PIEZO2: variants seen among roughly 807,000 people sequenced by gnomAD.
The protein encoded by PIEZO2 is piezo type mechanosensitive ion channel component 2.
In PIEZO2, 172 loss-of-function variants were observed where a neutral mutation model predicts 337.3. That is an observed-to-expected ratio of 0.51 (90% CI 0.45 to 0.58). PIEZO2 has a LOEUF of 0.58. PIEZO2 is among the 20% of genes least tolerant of loss of function. The pLI is 0.00. For missense variants in PIEZO2, 3,028 were observed against 3,391.3 expected (o/e 0.89, Z 2.66); for synonymous variants, 1,251 against 1,228.5 (o/e 1.02, Z -0.38).
intron 36 of PIEZO2, chr18:10,725,115 C>G: frequency 5.4e-6 from 8 of 1,473,690 alleles, no homozygotes; most frequent in East Asian, 2.3e-5. Context: ...ATCCACAGTT[C>G]GAGTACCAGG....
intron 36 of PIEZO2, among the ~76,000 whole-genome samples, chr18:10,720,417 A>ATG (rs1428181185): frequency 0.045 from 182 of 4,070 alleles, 3 homozygotes; most frequent in Non-Finnish European, 0.062. Flanking sequence ...GTGTATGTGT[A>ATG]TGTATATATA....
intron 42 of PIEZO2, 72 bp from the exon 43 acceptor site, chr18:10,702,243 G>T: frequency 1.4e-6 from 2 of 1,379,428 alleles, no homozygotes; most frequent in Non-Finnish European, 1.9e-6. Flanking sequence ...ATGGGAAAGA[G>T]CAATATAACA....
intron 1 of PIEZO2, among the ~76,000 whole-genome samples, chr18:11,107,177 C>T (rs866785907): frequency 8.6e-5 from 13 of 151,912 alleles, no homozygotes; most frequent in African/African-American, 9.7e-5. Flanking sequence ...TGGTGCACAT[C>T]GATATTATCC....
chr18:10,855,652 G>C lies in PIEZO2; in HGVS notation c.704-86C>G. 1 of 1,086,024 alleles carries C rather than the reference G, an allele frequency of 9.2e-7. No homozygotes were observed. Among genetic ancestry groups the C allele is most frequent in the Non-Finnish European group, 1.3e-6 (1 of 774,962 alleles). 67.3% of individuals were successfully genotyped at this position (1,086,024 alleles called of 1,614,324 possible). ...TGAATGTGACTATTTGAAATTATGT[G>C]AATTTCCTTCAAGTGTTTTTAGGTT... is the stretch of plus-strand genomic sequence containing the variant. On this transcript the variant is annotated intron_variant, in intron 6 of 55. Coordinates refer to ENST00000674853, the MANE Select transcript of PIEZO2 (RefSeq NM_001378183.1). This position sits in a 1 kb window ranked among gnomAD's most constrained non-coding sequence, Gnocchi z 4.9.
intron 4 of PIEZO2, among the ~76,000 whole-genome samples, chr18:10,909,898 C>A (rs1444903995): frequency 6.6e-6 from 1 of 152,224 alleles, no homozygotes; most frequent in Non-Finnish European, 1.5e-5. Context: ...CTTACTGAGA[C>A]AGCAAACAGC....
At chr18:10,919,626 G>C (rs9964593) in intron 3 of PIEZO2, among the ~76,000 whole-genome samples, 44,727 of 151,970 alleles carry the variant, frequency 0.29, 6,797 homozygotes, top group Middle Eastern at 0.33. Context: ...ATCTATGCAT[G>C]GAGGGTACTG....
intron 39 of PIEZO2, among the ~76,000 whole-genome samples, chr18:10,711,086 G>T (rs1302264607): frequency 6.6e-6 from 1 of 152,202 alleles, no homozygotes; most frequent in Non-Finnish European, 1.5e-5. Context: ...AGCAATCGAT[G>T]AATTTAAATA....
Position 10,752,185 on chromosome 18 carries a change from T to C in PIEZO2, c.4167+451A>G, listed in dbSNP as rs1004911418. 2.0e-5 allele frequency among the ~76,000 whole-genome samples: 3 copies of C among 152,350 alleles called. No individual in the cohort carries two copies. The East Asian group carries it at 5.8e-4, about 29-fold the overall frequency. ...TCATTCCCTACTCCACCCAGTATCA[T>C]AGAGAAACATGCTCATTTTATCTCA... is the stretch of plus-strand genomic sequence containing the variant. On this transcript the variant is annotated intron_variant, in intron 28 of 55. Coordinates refer to ENST00000674853, the MANE Select transcript of PIEZO2 (RefSeq NM_001378183.1).
chr18:10,766,422 C>T lies in PIEZO2; in HGVS notation c.2947-3324G>A, dbSNP rs184583546. On this transcript the variant is annotated intron_variant, in intron 21 of 55. Coordinates refer to ENST00000674853, the MANE Select transcript of PIEZO2 (RefSeq NM_001378183.1). This position sits in a 1 kb window ranked among gnomAD's most constrained non-coding sequence, Gnocchi z 6.1. Reference sequence around the variant, plus strand: ...AATTTTAGGGAAATAGATGCTGGTCCACGTACATAACAACTGTCCAGGTGA... The same window carrying T: ...AATTTTAGGGAAATAGATGCTGGTCTACGTACATAACAACTGTCCAGGTGA... Among the ~76,000 whole-genome samples the T allele has an allele frequency of 2.0e-3, 304 of 152,268 alleles. 2 individuals are homozygous for T. The highest frequency in any genetic ancestry group is 6.9e-3 in the African/African-American group (285 of 41,554).
At chr18:10,811,967 G>A (rs1010258138) in intron 7 of PIEZO2, among the ~76,000 whole-genome samples, 3 of 152,196 alleles carry the variant, frequency 2.0e-5, no homozygotes, top group Non-Finnish European at 4.4e-5. Flanking sequence ...CCGAGTAGCT[G>A]AGATTACAGG....
Position 11,110,161 on chromosome 18 carries a change from A to G in PIEZO2, c.64+38364T>C, listed in dbSNP as rs994502675. 6.6e-6 allele frequency among the ~76,000 whole-genome samples: 1 copy of G among 152,082 alleles called. No individual in the cohort carries two copies. The highest frequency in any genetic ancestry group is 2.4e-5 in the African/African-American group (1 of 41,404). ...TTATTTAAAGACAGCATCTTACTCT[A>G]TCACCCAGGCTGGAGTAAAGTGGTG... On this transcript the variant is annotated intron_variant, in intron 1 of 55. Coordinates refer to ENST00000674853, the MANE Select transcript of PIEZO2 (RefSeq NM_001378183.1). The surrounding 1 kb of genome is among the most constrained non-coding windows in gnomAD (Gnocchi z 4.2).
chr18:10,782,601 T>C (rs2039068504), intron 17 of PIEZO2, among the ~76,000 whole-genome samples: 2 of 148,040 alleles, frequency 1.4e-5, no homozygotes, highest in Admixed American at 7.0e-5. Flanking sequence ...GAACTGGCAT[T>C]ACACACTCTT....
Position 11,027,708 on chromosome 18 carries a change from A to C in PIEZO2, c.160+38419T>G, listed in dbSNP as rs1223346793. Among the ~76,000 whole-genome samples the C allele has an allele frequency of 6.6e-6, 1 of 152,190 alleles. No individual in the cohort carries two copies. The highest frequency in any genetic ancestry group is 1.5e-5 in the Non-Finnish European group (1 of 68,038). On this transcript the variant is annotated intron_variant, in intron 2 of 55. Coordinates refer to ENST00000674853, the MANE Select transcript of PIEZO2 (RefSeq NM_001378183.1). This position sits in a 1 kb window ranked among gnomAD's most constrained non-coding sequence, Gnocchi z 4.2. ...TCTTTCACAATTATGTTGTACAAAT[A>C]AATGTAAAAATCATTAGCATTAACT...
Position 10,726,536 on chromosome 18 carries a change from T to C in PIEZO2, c.5029+4871A>G. The stretch of plus-strand genomic sequence containing the variant: ...CCTGTGGCGCGCTGCGCTGCTCTGC[T>C]CTGCTACACCAGCCGCCACGCTGTG... On this transcript the variant is annotated intron_variant, in intron 36 of 55. Transcript: ENST00000674853. The surrounding 1 kb of genome is among the most constrained non-coding windows in gnomAD (Gnocchi z 5.9). 1 of 1,443,110 alleles carries C rather than the reference T, an allele frequency of 6.9e-7. No individual in the cohort carries two copies. The highest frequency in any genetic ancestry group is 9.2e-7 in the Non-Finnish European group (1 of 1,091,040). The allele number at this position is 1,443,110 out of a possible 1,614,324, so 89.4% of individuals were successfully genotyped here. A position where few individuals can be genotyped will look rare whatever the true frequency, so the allele number is the denominator to read the frequency against.
In PIEZO2 at chr18:10,973,754, G is replaced by C. The variant is rs371146014; in HGVS notation, c.286+5781C>G. Among the ~76,000 whole-genome samples, 10 of 152,166 alleles carry C rather than the reference G, an allele frequency of 6.6e-5. No individual in the cohort carries two copies. Among genetic ancestry groups the C allele is most frequent in the Non-Finnish European group, 1.5e-5 (1 of 68,022 alleles). On this transcript the variant is annotated intron_variant, in intron 3 of 55. Transcript: ENST00000674853. The surrounding 1 kb of genome is among the most constrained non-coding windows in gnomAD (Gnocchi z 4.9). ...GGTGAGGAACCCAAGCCTCCTCACT[G>C]ATCAGCTATCAGAAGAAAGCAGGCA...
Position 11,083,567 on chromosome 18 carries a change from G to T in PIEZO2, c.65-17345C>A, listed in dbSNP as rs961918805. On this transcript the variant is annotated intron_variant, in intron 1 of 55. Transcript: ENST00000674853. The surrounding 1 kb of genome is among the most constrained non-coding windows in gnomAD (Gnocchi z 4.4). ...TGCCAGCCCTGCAGGGCACGGTGTGGGCTCTTCCTGTGGCATGCAGAACTT... is the reference window on the plus strand; with the variant it reads ...TGCCAGCCCTGCAGGGCACGGTGTGTGCTCTTCCTGTGGCATGCAGAACTT... 6.6e-6 allele frequency among the ~76,000 whole-genome samples: 1 copy of T among 152,088 alleles called. No individual in the cohort carries two copies. The highest frequency in any genetic ancestry group is 2.4e-5 in the African/African-American group (1 of 41,416).
Position 11,129,721 on chromosome 18 carries a change from T to G in PIEZO2, c.64+18804A>C, listed in dbSNP as rs577308424. Reference sequence around the variant, plus strand: ...CTCCAGACTTTTACCAGGGTAACTGTGCATTGAGGAAAGGGAAATGATCAG... The same window carrying G: ...CTCCAGACTTTTACCAGGGTAACTGGGCATTGAGGAAAGGGAAATGATCAG... On this transcript the variant is annotated intron_variant, in intron 1 of 55. Coordinates refer to ENST00000674853, the MANE Select transcript of PIEZO2 (RefSeq NM_001378183.1). This position sits in a 1 kb window ranked among gnomAD's most constrained non-coding sequence, Gnocchi z 4.6. 4.7e-4 allele frequency among the ~76,000 whole-genome samples: 71 copies of G among 152,216 alleles called. No individual in the cohort carries two copies. The highest frequency in any genetic ancestry group is 6.8e-3 in the Middle Eastern group (2 of 294).
chr18:10,997,450 A>G (rs1037455885), intron 2 of PIEZO2, among the ~76,000 whole-genome samples: 1 of 152,164 alleles, frequency 6.6e-6, no homozygotes, highest in Non-Finnish European at 1.5e-5. Context: ...TAATTACACA[A>G]CTGTTGAAGT....
At position 10,675,227 on chromosome 18, in the gene PIEZO2, T is replaced by G; in HGVS notation, c.8143A>C (p.Ile2715Leu). Residue 2715 changes from isoleucine (I) to leucine (L), a missense_variant, in exon 54 of 56, where the codon ATA (isoleucine) becomes CTA (leucine). Coordinates refer to ENST00000674853, the MANE Select transcript of PIEZO2 (RefSeq NM_001378183.1). ...KAPSDSNSKP[I>L]KQLLSENNFM... ...TTCTTACCAGATAAAAGTTGCTTTA[T>G]AGGTTTTGAGTTAGAATCACTAGGT... The G allele has an allele frequency of 6.4e-7, 1 of 1,558,200 alleles. No homozygotes were observed. Among genetic ancestry groups the G allele is most frequent in the Admixed American group, 1.9e-5 (1 of 51,766 alleles).
Sources: gnomAD v4.1 joint callset for allele counts (sites outside exome capture counted in the v4.1 genomes callset) on GRCh38, gnomAD v4.1.1 for gene constraint, Gnocchi (gnomAD v3.1) non-coding constraint, MANE v1.5 for transcripts, NCBI Gene and HGNC (gene_info 2026-07-23, HGNC 2026-07-21) for gene names.